Variants in FAM184B observed in about 807,000 individuals in gnomAD.
FAM184B encodes protein FAM184B.
A neutral mutation model predicts 135.9 loss-of-function variants in FAM184B; 111 were observed. The observed-to-expected ratio is 0.82, with a 90% CI of 0.70 to 0.96. FAM184B has a LOEUF of 0.96. Among genes scored for constraint, FAM184B ranks in the 40% least tolerant of loss-of-function variants. The pLI, the probability that FAM184B is intolerant of heterozygous loss-of-function variation, is 0.00. For synonymous variants in FAM184B, 552 were observed against 524.8 expected (o/e 1.05, Z -0.71); for missense variants, 1,375 against 1,323.9 (o/e 1.04, Z -0.60).
chr4:17,632,539 G>T lies in FAM184B; in HGVS notation c.3176C>A (p.Ser1059Tyr). 1 of 1,550,472 alleles carries T rather than the reference G, an allele frequency of 6.4e-7. No homozygotes were observed. Among genetic ancestry groups the T allele is most frequent in the Non-Finnish European group, 8.7e-7 (1 of 1,146,072 alleles). ...PHQEWFTKYF[S>Y]F is the part of the protein sequence containing the mutation. ...TGTATCCCAAAGGTTAGCTTAGAAA[G>T]AAAAGTACTTGGTGAACCATTCCTG... Residue 1059 changes from serine (S) to tyrosine (Y), a missense_variant, in exon 18 of 18, where the codon TCT becomes TAT. Coordinates refer to ENST00000265018, the MANE Select transcript of FAM184B (RefSeq NM_015688.2).
chr4:17,737,987 G>A (rs1258103047), intron 1 of FAM184B, among the ~76,000 whole-genome samples: 1 of 152,162 alleles, frequency 6.6e-6, no homozygotes, highest in Non-Finnish European at 1.5e-5. Context: ...GCTGGATATA[G>A]ACTGTCAGCT....
chr4:17,732,698 C>T (rs1419509180), intron 1 of FAM184B, among the ~76,000 whole-genome samples: 1 of 152,092 alleles, frequency 6.6e-6, no homozygotes, highest in Non-Finnish European at 1.5e-5. Context: ...TAATCAATAG[C>T]TTACCAACCA....
intron 7 of FAM184B, among the ~76,000 whole-genome samples, chr4:17,682,603 G>A (rs1286168787): frequency 6.6e-6 from 1 of 151,986 alleles, no homozygotes; most frequent in Non-Finnish European, 1.5e-5. Context: ...GGTCCTAGCG[G>A]TTCTCGTGCC....
chr4:17,759,907 G>A (rs1466610023), intron 1 of FAM184B, among the ~76,000 whole-genome samples: 1 of 152,134 alleles, frequency 6.6e-6, no homozygotes, highest in African/African-American at 2.4e-5. Flanking sequence ...GCCAAGGTGG[G>A]TACCGGTTTC....
intron 1 of FAM184B, among the ~76,000 whole-genome samples, chr4:17,715,759 T>C (rs575793371): frequency 6.6e-6 from 1 of 152,162 alleles, no homozygotes; most frequent in African/African-American, 2.4e-5. Context: ...CATAAATGTA[T>C]ACAATTTTTA....
At chr4:17,695,368 G>A (rs893201767) in intron 5 of FAM184B, among the ~76,000 whole-genome samples, 1 of 152,042 alleles carries the variant, frequency 6.6e-6, no homozygotes, top group African/African-American at 2.4e-5. Context: ...GTCTTGCTAT[G>A]TAGCCCAGGC....
intron 6 of FAM184B, among the ~76,000 whole-genome samples, chr4:17,689,696 T>C (rs1716676714): frequency 6.6e-6 from 1 of 152,076 alleles, no homozygotes. Flanking sequence ...TTGCCCAGGC[T>C]GGTCTCAAAC....
Position 17,658,384 on chromosome 4 carries a change from C to T in FAM184B, c.2003G>A (p.Arg668His), listed in dbSNP as rs376312038. 3.0e-5 allele frequency: 47 copies of T among 1,551,584 alleles called. No individual in the cohort carries two copies. The highest frequency in any genetic ancestry group is 3.0e-4 in the South Asian group (25 of 84,072). Reference protein sequence around the residue: ...QLEASHQRALRMLEKARHQEL... With the variant: ...QLEASHQRALHMLEKARHQEL... ...CTGATGTCTGGCCTTCTCCAGCATG[C>T]GCAGGGCTCTCTGGTGGGAAGCCTC... The change falls in exon 10 of 18, where the codon CGC (arginine) becomes CAC (histidine). Residue 668 changes from arginine to histidine, a missense_variant. Physicochemically the swap from Arg to His is conservative, Grantham distance 29. Coordinates refer to ENST00000265018, the MANE Select transcript of FAM184B (RefSeq NM_015688.2).
rs1490335962 is a variant in FAM184B at position 17,747,359 on chromosome 4, G to A, written c.141+33800C>T. Among the ~76,000 whole-genome samples, 3 of 152,152 alleles carry A rather than the reference G, an allele frequency of 2.0e-5. No homozygotes were observed. In the East Asian group the frequency reaches 5.8e-4, roughly 29 times the overall value. On this transcript the variant is annotated intron_variant, in intron 1 of 17. Coordinates refer to ENST00000265018, the MANE Select transcript of FAM184B (RefSeq NM_015688.2). ...GGCCAGCGAGGGAAGAGAAGAACAT[G>A]GGAAACGGTGTGGACCTTTGGTTTA...
At chr4:17,641,192 C>T (rs1298241811) in intron 13 of FAM184B, among the ~76,000 whole-genome samples, 1 of 152,122 alleles carries the variant, frequency 6.6e-6, no homozygotes, top group Non-Finnish European at 1.5e-5. Context: ...CCTCAGCCTC[C>T]CAAAGTACTG....
At chr4:17,641,981 C>T in intron 13 of FAM184B, 75 bp downstream of exon 13, 3 of 1,455,802 alleles carry the variant, frequency 2.1e-6, no homozygotes, top group South Asian at 2.8e-5. Flanking sequence ...GCTCAGCCAG[C>T]CGCAGTAGGG....
chr4:17,732,070 T>G (rs2108978370), intron 1 of FAM184B, among the ~76,000 whole-genome samples: 1 of 152,348 alleles, frequency 6.6e-6, no homozygotes, highest in South Asian at 2.1e-4. Context: ...CTGAACAACC[T>G]GCTCCTGAGT....
intron 1 of FAM184B, among the ~76,000 whole-genome samples, chr4:17,745,729 G>A (rs1381944784): frequency 6.6e-6 from 1 of 152,108 alleles, no homozygotes; most frequent in Non-Finnish European, 1.5e-5. Flanking sequence ...ATTTTCAGAG[G>A]ACCCAAACTG....
At chr4:17,724,839 C>A (rs1717606994) in intron 1 of FAM184B, among the ~76,000 whole-genome samples, 1 of 152,220 alleles carries the variant, frequency 6.6e-6, no homozygotes, top group Admixed American at 6.5e-5. Flanking sequence ...TTTCTGGAAT[C>A]ATTTCCTCCA....
Position 17,664,498 on chromosome 4 carries a change from G to A in FAM184B, c.1694+64C>T. On this transcript the variant is annotated intron_variant, in intron 8 of 17. Coordinates refer to ENST00000265018, the MANE Select transcript of FAM184B (RefSeq NM_015688.2). Reference sequence around the variant, plus strand: ...TTGAGGATAGAATGAATGAATGGATGAATCCTTCCACATCTGAGTCCTCAT... The same window carrying A: ...TTGAGGATAGAATGAATGAATGGATAAATCCTTCCACATCTGAGTCCTCAT... 16 of 1,250,694 alleles carry A rather than the reference G, an allele frequency of 1.3e-5. No individual in the cohort carries two copies. The South Asian group carries it at 2.2e-4, about 17-fold the overall frequency. 77.5% of individuals were successfully genotyped at this position (1,250,694 alleles called of 1,614,324 possible).
intron 1 of FAM184B, among the ~76,000 whole-genome samples, chr4:17,751,864 CACAA>C (rs1229062224): frequency 6.8e-6 from 1 of 146,196 alleles, no homozygotes; most frequent in Non-Finnish European, 1.5e-5. Context: ...CACACACACA[CACAA>C]AAGAACCAGG....
rs2108927122 is a variant in FAM184B, at chr4:17,636,718, C to T, written c.2667-73G>A. On this transcript the variant is annotated intron_variant, in intron 14 of 17. Transcript: ENST00000265018. ...AACAAAGAGGGAGAACAAGTGCACACGATGGGAATGCCATCCTGTGTTCAG... is the reference window on the plus strand; with the variant it reads ...AACAAAGAGGGAGAACAAGTGCACATGATGGGAATGCCATCCTGTGTTCAG... 9.0e-6 allele frequency: 11 copies of T among 1,226,422 alleles called. No homozygotes were observed. In the South Asian group the frequency reaches 1.3e-4, roughly 15 times the overall value. 76.0% of individuals were successfully genotyped at this position (1,226,422 alleles called of 1,614,324 possible). A position where few individuals can be genotyped will look rare whatever the true frequency, so the allele number is the denominator to read the frequency against.
At chr4:17,758,554 C>A (rs1718469239) in intron 1 of FAM184B, among the ~76,000 whole-genome samples, 1 of 152,048 alleles carries the variant, frequency 6.6e-6, no homozygotes, top group Non-Finnish European at 1.5e-5. Context: ...GATTTTTTTC[C>A]AAGGCAAGAG....
intron 1 of FAM184B, among the ~76,000 whole-genome samples, chr4:17,767,306 G>A (rs970748861): frequency 5.9e-5 from 9 of 152,196 alleles, no homozygotes; most frequent in African/African-American, 1.7e-4. Context: ...AGTGGGCTCC[G>A]AGGCTGACAA....
Sources: gnomAD v4.1 joint callset for allele counts (sites outside exome capture counted in the v4.1 genomes callset) on GRCh38, gnomAD v4.1.1 for gene constraint, MANE v1.5 for transcripts, NCBI Gene and HGNC (gene_info 2026-07-23, HGNC 2026-07-21) for gene names.